Variants in MROH9 observed in about 807,000 individuals in gnomAD.
MROH9 encodes maestro heat-like repeat-containing protein family member 9.
Under a neutral mutation model 98.2 loss-of-function variants are expected in MROH9, and 92 were observed. The ratio of observed to expected loss-of-function variants is 0.94; its 90% CI spans 0.79 to 1.11. MROH9 has a LOEUF of 1.11. Ranked by LOEUF, MROH9 falls within the 50% of genes most tolerant of loss-of-function variation. The pLI is 0.00. For missense variants in MROH9, 1,057 were observed against 1,014.8 expected (o/e 1.04, Z -0.57); for synonymous variants, 397 against 368.9 (o/e 1.08, Z -0.87).
At chr1:170,973,678 T>C (rs759645446) in intron 8 of MROH9, among the ~76,000 whole-genome samples, 2 of 152,110 alleles carry the variant, frequency 1.3e-5, no homozygotes, top group African/African-American at 2.4e-5. Context: ...GAGTTCGTGA[T>C]TAGCCTGGCT....
chr1:171,000,992 A>C (rs1651764620), intron 15 of MROH9, among the ~76,000 whole-genome samples: 1 of 152,044 alleles, frequency 6.6e-6, no homozygotes. Flanking sequence ...CCAGGAATTC[A>C]TCCATCTTTT....
intron 1 of MROH9, among the ~76,000 whole-genome samples, chr1:170,939,186 C>T (rs1241186557): frequency 2.0e-5 from 3 of 152,250 alleles, no homozygotes; most frequent in African/African-American, 7.2e-5. Context: ...ATTTCTTCAT[C>T]AATTTTCCAA....
intron 3 of MROH9, among the ~76,000 whole-genome samples, chr1:170,953,728 G>GAAAGAAAAGAAAAGAAAAGAAAAGA (rs3980711): frequency 3.5e-4 from 50 of 141,968 alleles, no homozygotes; most frequent in African/African-American, 1.3e-3. Context: ...GTAGATTAGG[G>GAAAGAAAAGAAAAGAAAAGAAAAGA]AAAGAAAAGA....
chr1:170,948,323 T>C (rs556876409), intron 3 of MROH9, among the ~76,000 whole-genome samples: 2 of 152,152 alleles, frequency 1.3e-5, no homozygotes, highest in Non-Finnish European at 2.9e-5. Context: ...ATAGATTTTG[T>C]TCATAATCCA....
chr1:170,973,252 G>A (rs1650544367), intron 8 of MROH9, among the ~76,000 whole-genome samples: 1 of 152,070 alleles, frequency 6.6e-6, no homozygotes, highest in African/African-American at 2.4e-5. Context: ...TGAAGGGTAG[G>A]AAACAACAAA....
intron 1 of MROH9, among the ~76,000 whole-genome samples, chr1:170,937,820 G>A (rs1353695199): frequency 6.6e-6 from 1 of 152,142 alleles, no homozygotes; most frequent in East Asian, 1.9e-4. Context: ...ACCGCGCCCG[G>A]CCCATAATCA....
At position 170,997,660 on chromosome 1, in the gene MROH9, G is replaced by A. The variant is rs527949914; in HGVS notation, c.1476-494G>A. On this transcript the variant is annotated intron_variant, in intron 14 of 21. Transcript: ENST00000367759. ...GGCCACCATGTCAGTACAAGTGTGA[G>A]GCTGTCCACCACCCAAGTGTGTTCT... is the stretch of plus-strand genomic sequence containing the variant. Among the ~76,000 whole-genome samples, 118 of 152,260 alleles carry A rather than the reference G, an allele frequency of 7.7e-4. No homozygotes were observed. The South Asian group carries it at 0.024, about 30-fold the overall frequency.
chr1:171,023,555 T>A (rs1351461353), intron 17 of MROH9, among the ~76,000 whole-genome samples: 2 of 152,212 alleles, frequency 1.3e-5, no homozygotes, highest in Admixed American at 6.5e-5. Context: ...ACAGTTTTTT[T>A]AATGCAATCT....
chr1:171,031,361 AGTTTCTTCATAGTGTCATTG>A (rs1356576309), intron 20 of MROH9, among the ~76,000 whole-genome samples: 1 of 152,128 alleles, frequency 6.6e-6, no homozygotes, highest in Admixed American at 6.6e-5. Flanking sequence ...TAGTTGATGC[AGTTTCTTCATAGTGTCATTG>A]GTCATTACAT....
chr1:170,972,804 T>A (rs1394581518), intron 8 of MROH9, among the ~76,000 whole-genome samples: 1 of 108,052 alleles, frequency 9.3e-6, no homozygotes, highest in Non-Finnish European at 1.8e-5. Context: ...AGAGCAAGAC[T>A]CCGCCTCAAA....
intron 20 of MROH9, among the ~76,000 whole-genome samples, chr1:171,031,790 G>A (rs2101849504): frequency 6.6e-6 from 1 of 152,212 alleles, no homozygotes; most frequent in East Asian, 1.9e-4. Context: ...TCTTAGTGGT[G>A]TTCTCTGTAT....
Position 170,936,858 on chromosome 1 carries a change from G to A in MROH9, c.-38+1271G>A, listed in dbSNP as rs541844324. On this transcript the variant is annotated intron_variant, in intron 1 of 21. Coordinates refer to ENST00000367759, the MANE Select transcript of MROH9 (RefSeq NM_001163629.2). ...CAAAGAGTTATCTTTTAATCATTTC[G>A]TGGGGTGGGGGAGATCTGTGTAGGG... Among the ~76,000 whole-genome samples the A allele has an allele frequency of 1.4e-4, 21 of 152,080 alleles. No homozygotes were observed. In the South Asian group the frequency reaches 2.3e-3, roughly 17 times the overall value.
chr1:170,980,779 T>C (rs1006589194), intron 8 of MROH9, among the ~76,000 whole-genome samples: 10 of 152,086 alleles, frequency 6.6e-5, no homozygotes, highest in African/African-American at 2.4e-4. Flanking sequence ...GAGATCTAAT[T>C]CAACTAAAGA....
At chr1:170,995,766 A>G (rs1651544353) in intron 13 of MROH9, among the ~76,000 whole-genome samples, 1 of 152,170 alleles carries the variant, frequency 6.6e-6, no homozygotes, top group African/African-American at 2.4e-5. Context: ...CCGTGACCAC[A>G]GAACTCTGTT....
At chr1:170,990,516 GA>G (rs1651317825) in intron 11 of MROH9, among the ~76,000 whole-genome samples, 1 of 151,930 alleles carries the variant, frequency 6.6e-6, no homozygotes, top group African/African-American at 2.4e-5. Context: ...AGTTTAAGAA[GA>G]AAAAAATACA....
chr1:170,958,874 T>C (rs1194667845), intron 4 of MROH9, among the ~76,000 whole-genome samples: 1 of 152,220 alleles, frequency 6.6e-6, no homozygotes, highest in Admixed American at 6.5e-5. Context: ...TAGCATGGCT[T>C]TGTGGACTTG....
At chr1:170,973,892 T>A (rs113292240) in intron 8 of MROH9, among the ~76,000 whole-genome samples, 1 of 152,098 alleles carries the variant, frequency 6.6e-6, no homozygotes, top group African/African-American at 2.4e-5. Context: ...GAGTAGAGTG[T>A]GACATTAAAA....
intron 7 of MROH9, among the ~76,000 whole-genome samples, chr1:170,970,227 T>C (rs765496579): frequency 1.3e-5 from 2 of 152,030 alleles, no homozygotes; most frequent in Non-Finnish European, 2.9e-5. Context: ...ACCTGTAATA[T>C]AAGATGACTG....
intron 8 of MROH9, among the ~76,000 whole-genome samples, chr1:170,976,655 A>G (rs1013081572): frequency 6.6e-6 from 1 of 152,122 alleles, no homozygotes; most frequent in African/African-American, 2.4e-5. Context: ...GCTGAGGCAT[A>G]TAAAAAAATG....
Sources: gnomAD v4.1 joint callset for allele counts (sites outside exome capture counted in the v4.1 genomes callset) on GRCh38, gnomAD v4.1.1 for gene constraint, MANE v1.5 for transcripts, NCBI Gene and HGNC (gene_info 2026-07-23, HGNC 2026-07-21) for gene names.